AGAP1: variants seen among roughly 807,000 people sequenced by gnomAD.
The protein encoded by AGAP1 is arf-GAP with GTPase, ANK repeat and PH domain-containing protein 1.
In AGAP1, 29 loss-of-function variants were observed where a neutral mutation model predicts 105.3. That is an observed-to-expected ratio of 0.28 (90% CI 0.21 to 0.38). The LOEUF is 0.38. Ranked by LOEUF, AGAP1 falls within the 10% of genes least tolerant of loss-of-function variation. The pLI, the probability that AGAP1 is intolerant of heterozygous loss-of-function variation, is 1.00. For missense variants in AGAP1, 998 were observed against 1,165.1 expected, an observed-to-expected ratio of 0.86 and a Z score of 2.09; for synonymous variants, 509 against 485.9, an observed-to-expected ratio of 1.05 and a Z score of -0.63.
In AGAP1 at chr2:235,905,353, T is replaced by C. The variant is rs574806243; in HGVS notation, c.1156-3385T>C. On this transcript the variant is annotated intron_variant, in intron 10 of 17. Coordinates refer to ENST00000304032, the MANE Select transcript of AGAP1 (RefSeq NM_001037131.3). The surrounding 1 kb of genome is among the most constrained non-coding windows in gnomAD (Gnocchi z 4.2). ...TAACTGTGCAAGAAGGAATTCATTA[T>C]TTACAAGCATTAACTTTGGTTTGGA... 6.6e-6 allele frequency among the ~76,000 whole-genome samples: 1 copy of C among 152,358 alleles called. No individual in the cohort carries two copies. Among genetic ancestry groups the C allele is most frequent in the African/African-American group, 2.4e-5 (1 of 41,594 alleles).
In AGAP1 at chr2:235,527,677, C is replaced by T. The variant is rs535226674; in HGVS notation, c.163+32828C>T. 3.0e-4 allele frequency among the ~76,000 whole-genome samples: 45 copies of T among 152,250 alleles called. No homozygotes were observed. The South Asian group carries it at 3.9e-3, about 13-fold the overall frequency. On this transcript the variant is annotated intron_variant, in intron 1 of 17. Coordinates refer to ENST00000304032, the MANE Select transcript of AGAP1 (RefSeq NM_001037131.3). ...TGCTGGAATTACCGTAGTGAGCTGC[C>T]GCTCCTGGCCTACTTTAAACATCTA...
Position 236,092,462 on chromosome 2 carries a change from G to A in AGAP1, c.2115-27730G>A, listed in dbSNP as rs879573279. Among the ~76,000 whole-genome samples, 27 of 152,170 alleles carry A rather than the reference G, an allele frequency of 1.8e-4. No individual in the cohort carries two copies. Among genetic ancestry groups the A allele is most frequent in the African/African-American group, 6.0e-4 (25 of 41,544 alleles). ...GGCTGGAGTGTAGTGGTGCAGTCTC[G>A]TCTCACTGCAACCTCCGCCTCCCGG... On this transcript the variant is annotated intron_variant, in intron 16 of 17. Coordinates refer to ENST00000304032, the MANE Select transcript of AGAP1 (RefSeq NM_001037131.3). This position sits in a 1 kb window ranked among gnomAD's most constrained non-coding sequence, Gnocchi z 4.7.
At position 235,799,056 on chromosome 2, in the gene AGAP1, A is replaced by G. The variant is rs970582479; in HGVS notation, c.802-311A>G. 3.9e-5 allele frequency among the ~76,000 whole-genome samples: 6 copies of G among 152,058 alleles called. No individual in the cohort carries two copies. Among genetic ancestry groups the G allele is most frequent in the Non-Finnish European group, 7.4e-5 (5 of 68,010 alleles). On this transcript the variant is annotated intron_variant, in intron 7 of 17. Coordinates refer to ENST00000304032, the MANE Select transcript of AGAP1 (RefSeq NM_001037131.3). The surrounding 1 kb of genome is among the most constrained non-coding windows in gnomAD (Gnocchi z 5.0). ...CCCTTTAGTTTAACCAACCCCTTTC[A>G]TTTTCAGAGGAAAGAGAAAATAATC...
Position 235,906,460 on chromosome 2 carries a change from G to C in AGAP1, c.1156-2278G>C, listed in dbSNP as rs2051311127. On this transcript the variant is annotated intron_variant, in intron 10 of 17. Transcript: ENST00000304032. This position sits in a 1 kb window ranked among gnomAD's most constrained non-coding sequence, Gnocchi z 5.3. ...GGACCCTGAAACATCTTGTCCCTCT[G>C]GGGCTGATGTAGGGGAGCCTGCTGG... 6.6e-6 allele frequency among the ~76,000 whole-genome samples: 1 copy of C among 152,136 alleles called. No homozygotes were observed. The highest frequency in any genetic ancestry group is 2.4e-5 in the African/African-American group (1 of 41,432).
intron 1 of AGAP1, among the ~76,000 whole-genome samples, chr2:235,502,827 G>A (rs563546471): frequency 1.5e-4 from 23 of 151,462 alleles, no homozygotes; most frequent in Non-Finnish European, 2.9e-4. Flanking sequence ...GCATTCAACA[G>A]GCTCTAGTAA....
chr2:236,011,432 G>C (rs1256029379), intron 13 of AGAP1, among the ~76,000 whole-genome samples: 4 of 152,224 alleles, frequency 2.6e-5, no homozygotes, highest in African/African-American at 7.2e-5. Context: ...ATTCGCGTAT[G>C]TGTTTTTAAA....
rs1951750383 is a variant in AGAP1, at chr2:235,728,299, C to G, written c.310+10655C>G. Among the ~76,000 whole-genome samples the G allele has an allele frequency of 7.4e-6, 1 of 134,846 alleles. No individual in the cohort carries two copies. Among genetic ancestry groups the G allele is most frequent in the Admixed American group, 7.2e-5 (1 of 13,934 alleles). The allele number at this position is 134,846 out of a possible 152,430, so 88.5% of individuals were successfully genotyped here. A position where few individuals can be genotyped will look rare whatever the true frequency, so the allele number is the denominator to read the frequency against. On this transcript the variant is annotated intron_variant, in intron 3 of 17. Coordinates refer to ENST00000304032, the MANE Select transcript of AGAP1 (RefSeq NM_001037131.3). The surrounding 1 kb of genome is among the most constrained non-coding windows in gnomAD (Gnocchi z 4.3). ...AGATCTGAAAAGGACTGGGCCCAGA[C>G]TCTGTGTGTGTGTGTGTGTGTGTGT... is the stretch of plus-strand genomic sequence containing the variant.
At chr2:235,542,254 T>C (rs556764722) in intron 1 of AGAP1, among the ~76,000 whole-genome samples, 1 of 151,048 alleles carries the variant, frequency 6.6e-6, no homozygotes, top group African/African-American at 2.4e-5. Context: ...CGGAGTTAGG[T>C]GTTTGAAGCC....
chr2:236,076,912 C>T lies in AGAP1; in HGVS notation c.2114+27631C>T, dbSNP rs2058649177. 6.6e-6 allele frequency among the ~76,000 whole-genome samples: 1 copy of T among 151,370 alleles called. No individual in the cohort carries two copies. The highest frequency in any genetic ancestry group is 1.5e-5 in the Non-Finnish European group (1 of 67,860). ...CTTGAGCCTAGGAGTTCAAGACCAG[C>T]CAGGGCAACATGGCAAAACCCTGTC... is the stretch of plus-strand genomic sequence containing the variant. On this transcript the variant is annotated intron_variant, in intron 16 of 17. Coordinates refer to ENST00000304032, the MANE Select transcript of AGAP1 (RefSeq NM_001037131.3). The surrounding 1 kb of genome is among the most constrained non-coding windows in gnomAD (Gnocchi z 4.4).
intron 1 of AGAP1, among the ~76,000 whole-genome samples, chr2:235,589,549 G>A (rs143396335): frequency 9.2e-5 from 14 of 152,132 alleles, no homozygotes; most frequent in African/African-American, 2.7e-4. Context: ...CCATCCAACC[G>A]AACTTTTCAA....
At chr2:235,835,645 A>T (rs1298435230) in intron 9 of AGAP1, among the ~76,000 whole-genome samples, 4 of 152,360 alleles carry the variant, frequency 2.6e-5, no homozygotes, top group East Asian at 3.9e-4. Flanking sequence ...CTCTCCATGG[A>T]CACTGAGTTC....
chr2:235,823,960 T>C (rs549847140), intron 9 of AGAP1, among the ~76,000 whole-genome samples: 255 of 152,308 alleles, frequency 1.7e-3, no homozygotes, highest in Admixed American at 2.7e-3. Flanking sequence ...CCTTGCATGA[T>C]TTCCTAGAGC....
chr2:236,054,496 AAAAGG>A (rs2057997484), intron 16 of AGAP1, among the ~76,000 whole-genome samples: 1 of 151,896 alleles, frequency 6.6e-6, no homozygotes, highest in Admixed American at 6.6e-5. Flanking sequence ...AAAAAAAAAA[AAAAGG>A]GAGGGGGAGA....
intron 1 of AGAP1, among the ~76,000 whole-genome samples, chr2:235,583,018 A>G (rs1328465258): frequency 6.6e-6 from 1 of 152,310 alleles, no homozygotes; most frequent in East Asian, 1.9e-4. Flanking sequence ...GTTCCCTAGT[A>G]AACTGGCCAC....
At chr2:235,780,365 A>G (rs899099061) in intron 6 of AGAP1, among the ~76,000 whole-genome samples, 17 of 152,182 alleles carry the variant, frequency 1.1e-4, no homozygotes, top group African/African-American at 4.1e-4. Flanking sequence ...ACTTAGTAAT[A>G]CTAATAAAGA....
At chr2:236,097,770 A>C (rs1196587782) in intron 16 of AGAP1, among the ~76,000 whole-genome samples, 1 of 152,200 alleles carries the variant, frequency 6.6e-6, no homozygotes, top group East Asian at 1.9e-4. Context: ...ATCCATCTCC[A>C]GAACTTTTCC....
chr2:235,844,984 G>A (rs1245269910), intron 9 of AGAP1, among the ~76,000 whole-genome samples: 1 of 152,126 alleles, frequency 6.6e-6, no homozygotes, highest in Non-Finnish European at 1.5e-5. Flanking sequence ...ATTTTTGTAT[G>A]AGCAGCAATT....
intron 16 of AGAP1, among the ~76,000 whole-genome samples, chr2:236,086,575 C>G (rs1188586848): frequency 6.6e-6 from 1 of 152,160 alleles, no homozygotes; most frequent in Non-Finnish European, 1.5e-5. Flanking sequence ...AGCTGGAAGT[C>G]TCATCCAAAC....
Position 235,608,320 on chromosome 2 carries a change from CT to C in AGAP1, c.164-100852del, listed in dbSNP as rs1415646984. On this transcript the variant is annotated intron_variant, in intron 1 of 17. Coordinates refer to ENST00000304032, the MANE Select transcript of AGAP1 (RefSeq NM_001037131.3). This position sits in a 1 kb window ranked among gnomAD's most constrained non-coding sequence, Gnocchi z 5.4. ...CGTATTCTGTAAAATTCCATTGTGT[CT>C]TTTTTTCCCCCAAGTAATCTGGCTC... Among the ~76,000 whole-genome samples, 1 of 152,128 alleles carries C rather than the reference CT, an allele frequency of 6.6e-6. No homozygotes were observed. The highest frequency in any genetic ancestry group is 2.4e-5 in the African/African-American group (1 of 41,422).
Sources: allele counts gnomAD v4.1 joint callset (sites outside exome capture counted in the v4.1 genomes callset), GRCh38; gene constraint gnomAD v4.1.1; non-coding constraint Gnocchi (gnomAD v3.1); transcripts MANE v1.5; gene names NCBI Gene and HGNC (gene_info 2026-07-23, HGNC 2026-07-21).